MBTD1: variants seen among roughly 807,000 people sequenced by gnomAD.
MBTD1 encodes MBT domain-containing protein 1.
MBTD1 carries 24 observed loss-of-function variants against 87.8 expected under a neutral mutation model. The observed-to-expected ratio is 0.27, with a 90% CI of 0.20 to 0.38. MBTD1 has a LOEUF of 0.38. Ranked by LOEUF, MBTD1 falls within the 10% of genes least tolerant of loss-of-function variation. The probability of loss-of-function intolerance (pLI) is 1.00; values close to 1 mark genes in which losing one functional copy is unlikely to be tolerated. For synonymous variants in MBTD1, 237 were observed against 248.6 expected (o/e 0.95, Z 0.44); for missense variants, 436 against 760.2 (o/e 0.57, Z 5.02).
intron 16 of MBTD1, chr17:51,185,651 T>C (rs1400832075): frequency 2.0e-5 from 3 of 152,138 alleles, no homozygotes; most frequent in African/African-American, 7.2e-5. Context: ...AAAGCCTCGT[T>C]TTTCTGTTTT....
intron 2 of MBTD1, among the ~76,000 whole-genome samples, chr17:51,241,680 CAGCCTCCCA>C (rs1325322254): frequency 1.3e-5 from 2 of 152,262 alleles, no homozygotes; most frequent in East Asian, 1.9e-4. Context: ...TCTTCTGCCT[CAGCCTCCCA>C]AGTAGCTGGG....
At chr17:51,218,894 C>A in intron 5 of MBTD1, 36 bp downstream of exon 5, 1 of 1,167,542 alleles carries the variant, frequency 8.6e-7, no homozygotes, top group South Asian at 1.3e-5. Context: ...GAATCAATGT[C>A]ATATATTTCA....
chr17:51,233,306 C>T (rs1026741379), intron 2 of MBTD1, among the ~76,000 whole-genome samples: 5 of 151,940 alleles, frequency 3.3e-5, no homozygotes, highest in Non-Finnish European at 5.9e-5. Flanking sequence ...ATTAAGGCCT[C>T]TAAGTATATG....
At chr17:51,238,184 T>C (rs1468529042) in intron 2 of MBTD1, among the ~76,000 whole-genome samples, 2 of 152,198 alleles carry the variant, frequency 1.3e-5, no homozygotes, top group African/African-American at 2.4e-5. Context: ...GAAGGTTTCA[T>C]GAGCGTACAC....
chr17:51,259,166 G>T lies in MBTD1; in HGVS notation c.-72C>A. On this transcript the variant is annotated 5_prime_UTR_variant, in exon 2 of 17. Transcript: ENST00000586178. ...ACCACTTGTCAGAGAGGCTGCAGAG[G>T]GGACGGCTGCTTTGGATGACCTCTA... 1 of 888,544 alleles carries T rather than the reference G, an allele frequency of 1.1e-6. No homozygotes were observed. Among genetic ancestry groups the T allele is most frequent in the Non-Finnish European group, 1.5e-6 (1 of 673,960 alleles). 55.0% of individuals were successfully genotyped at this position (888,544 alleles called of 1,614,324 possible). A position where few individuals can be genotyped will look rare whatever the true frequency, so the allele number is the denominator to read the frequency against.
chr17:51,256,274 A>G (rs2055083685), intron 2 of MBTD1: 1 of 152,206 alleles, frequency 6.6e-6, no homozygotes, highest in Non-Finnish European at 1.5e-5. Flanking sequence ...CAGATGAGGA[A>G]AGTGAAGCTT....
intron 2 of MBTD1, among the ~76,000 whole-genome samples, chr17:51,258,098 C>G (rs1378109183): frequency 1.3e-5 from 2 of 151,716 alleles, no homozygotes; most frequent in Non-Finnish European, 2.9e-5. Flanking sequence ...TCTAAGTCCA[C>G]AAGAGCAAAG....
chr17:51,235,450 T>G (rs979472792), intron 2 of MBTD1, among the ~76,000 whole-genome samples: 15 of 152,234 alleles, frequency 9.9e-5, no homozygotes, highest in African/African-American at 3.4e-4. Context: ...ATGAAAATAT[T>G]GTTAACAAAA....
intron 2 of MBTD1, among the ~76,000 whole-genome samples, chr17:51,240,629 G>A (rs566129852): frequency 7.2e-5 from 11 of 152,242 alleles, no homozygotes; most frequent in Admixed American, 6.5e-4. Context: ...CAATGCTGAC[G>A]TTGAACTTGA....
intron 2 of MBTD1, among the ~76,000 whole-genome samples, chr17:51,230,374 C>G (rs1478431495): frequency 6.6e-6 from 1 of 152,208 alleles, no homozygotes; most frequent in Non-Finnish European, 1.5e-5. Context: ...GGTTTCTTCT[C>G]TTACTCATTC....
At chr17:51,198,812 G>GTTGTTGTTTGAGATGGAGTC (rs1277408068) in intron 12 of MBTD1, among the ~76,000 whole-genome samples, 176 of 152,290 alleles carry the variant, frequency 1.2e-3, no homozygotes, top group African/African-American at 3.9e-3. Flanking sequence ...GATTTTTGTT[G>GTTGTTGTTTGAGATGGAGTC]TTGTTGTTTG....
chr17:51,212,032 G>A (rs997968056), intron 6 of MBTD1, among the ~76,000 whole-genome samples: 1 of 152,152 alleles, frequency 6.6e-6, no homozygotes, highest in African/African-American at 2.4e-5. Context: ...AGTATGTCAC[G>A]TAAGTAACAA....
At chr17:51,223,544 A>G (rs2053037672) in intron 3 of MBTD1, among the ~76,000 whole-genome samples, 1 of 150,986 alleles carries the variant, frequency 6.6e-6, no homozygotes, top group African/African-American at 2.4e-5. Context: ...CAACAACAAC[A>G]ACAACAAAAG....
Position 51,193,491 on chromosome 17 carries a change from A to C in MBTD1, c.1392T>G (p.Phe464Leu), listed in dbSNP as rs1239197267. 6.2e-7 allele frequency: 1 copy of C among 1,611,704 alleles called. No homozygotes were observed. The highest frequency in any genetic ancestry group is 8.5e-7 in the Non-Finnish European group (1 of 1,178,888). ...TPPRGYTKLP[F>L]KWFDYLRETG... ...TTTCCCTGAGGTAGTCAAACCATTT[A>C]AAAGGAAGTTTTGTGTAACCTAAAA... The change falls in exon 14 of 17, where the codon TTT becomes TTG. Residue 464 changes from phenylalanine to leucine, a missense_variant. Physicochemically the swap from Phe to Leu is conservative, Grantham distance 22. Around this residue, in one of 5 missense-constraint regions of MBTD1, gnomAD observed 80 missense variants for 182.2 expected, o/e 0.44. Transcript: ENST00000586178.
chr17:51,201,571 T>C (rs1378976160), intron 12 of MBTD1, 21 bp downstream of exon 12: 1 of 1,467,214 alleles, frequency 6.8e-7, no homozygotes, highest in Admixed American at 1.9e-5. Flanking sequence ...CATTTCTATA[T>C]TTTAAAACCT....
chr17:51,218,529 CAAAAAAAAAAAA>C (rs58563366), intron 5 of MBTD1, among the ~76,000 whole-genome samples: 35 of 110,670 alleles, frequency 3.2e-4, no homozygotes, highest in African/African-American at 4.2e-4. Context: ...ACTCTGTCTC[CAAAAAAAAAAAA>C]AAAAAAAAAA....
chr17:51,243,398 C>T (rs1238952071), intron 2 of MBTD1, among the ~76,000 whole-genome samples: 2 of 151,770 alleles, frequency 1.3e-5, no homozygotes, highest in Admixed American at 6.6e-5. Flanking sequence ...ACAACAATTA[C>T]TAATATTTTG....
chr17:51,216,185 G>C (rs1376214741), intron 6 of MBTD1, among the ~76,000 whole-genome samples: 2 of 152,202 alleles, frequency 1.3e-5, no homozygotes, highest in African/African-American at 4.8e-5. Flanking sequence ...GCCTGCTTCG[G>C]CCTCCCAAAG....
chr17:51,203,333 AT>A (rs2051604589), intron 8 of MBTD1, 105 bp from the exon 9 acceptor site: 3 of 633,748 alleles, frequency 4.7e-6, no homozygotes, highest in South Asian at 2.5e-5. Flanking sequence ...GGCTATTAAC[AT>A]TCTGAAAAGT....
Sources: gnomAD v4.1 joint callset for allele counts (sites outside exome capture counted in the v4.1 genomes callset) on GRCh38, gnomAD v4.1.1 for gene constraint, gnomAD v4.1.1 regional missense constraint, MANE v1.5 for transcripts, NCBI Gene and HGNC (gene_info 2026-07-23, HGNC 2026-07-21) for gene names.